CDH23: variants seen among roughly 807,000 people sequenced by gnomAD.
CDH23 encodes cadherin related 23, also known as cadherin-23.
CDH23 carries 189 observed loss-of-function variants against 317.1 expected under a neutral mutation model. That is an observed-to-expected ratio of 0.60 (90% CI 0.53 to 0.67). The LOEUF (loss-of-function observed/expected upper bound fraction) is 0.67, where lower values mean the gene tolerates loss of function less well. CDH23 is among the 30% of genes least tolerant of loss of function. The probability of loss-of-function intolerance (pLI) is 0.00; values close to 1 mark genes in which losing one functional copy is unlikely to be tolerated. For missense variants in CDH23, 4,401 were observed against 4,592.4 expected, an observed-to-expected ratio of 0.96 and a Z score of 1.20; for synonymous variants, 1,839 against 1,876.8, an observed-to-expected ratio of 0.98 and a Z score of 0.52.
intron 6 of CDH23, among the ~76,000 whole-genome samples, chr10:71,535,010 C>A: frequency 6.6e-6 from 1 of 152,222 alleles, no homozygotes; most frequent in Admixed American, 6.5e-5. Context: ...GGAGAGGGCC[C>A]CTGGGGGCTG....
intron 3 of CDH23, among the ~76,000 whole-genome samples, chr10:71,447,454 G>T (rs1219845962): frequency 2.0e-5 from 3 of 152,140 alleles, no homozygotes; most frequent in East Asian, 1.9e-4. Flanking sequence ...ACTCTTCCTG[G>T]TGGAGGTTTT....
chr10:71,586,163 C>T (rs1023943116), intron 9 of CDH23, among the ~76,000 whole-genome samples: 13 of 152,200 alleles, frequency 8.5e-5, no homozygotes, highest in Admixed American at 2.0e-4. Context: ...GAGCCAGAGC[C>T]ATGGCTGAGG....
At chr10:71,524,418 C>T (rs140355818) in intron 6 of CDH23, among the ~76,000 whole-genome samples, 170 of 152,326 alleles carry the variant, frequency 1.1e-3, no homozygotes, top group African/African-American at 3.7e-3. Context: ...AAGTGCGGTT[C>T]GAGCTCCCTG....
At chr10:71,801,315 CG>C in intron 53 of CDH23, among the ~76,000 whole-genome samples, 1 of 152,022 alleles carries the variant, frequency 6.6e-6, no homozygotes. Flanking sequence ...CTACCACACC[CG>C]GCTAATTTTG....
intron 6 of CDH23, among the ~76,000 whole-genome samples, chr10:71,543,093 G>A (rs1386964138): frequency 6.6e-6 from 1 of 152,250 alleles, no homozygotes; most frequent in African/African-American, 2.4e-5. Flanking sequence ...CAGCCCGAAT[G>A]CACAGACTTA....
chr10:71,491,503 G>A (rs1416580754), intron 3 of CDH23, among the ~76,000 whole-genome samples: 1 of 152,218 alleles, frequency 6.6e-6, no homozygotes, highest in Non-Finnish European at 1.5e-5. Flanking sequence ...TTGAACCAAG[G>A]TAGTGGGTGT....
intron 3 of CDH23, among the ~76,000 whole-genome samples, chr10:71,457,524 G>A (rs72642234): frequency 0.012 from 1,788 of 152,238 alleles, 82 homozygotes; most frequent in East Asian, 0.12. Context: ...TCCTCAGTCT[G>A]TTACCTAGGA....
Position 71,730,415 on chromosome 10 carries a change from G to T in CDH23, c.3580-54G>T, listed in dbSNP as rs376983154. On this transcript the variant is annotated intron_variant, in intron 30 of 69. Coordinates refer to ENST00000224721, the MANE Select transcript of CDH23 (RefSeq NM_022124.6). ...GCGGCCACAGTGGGCCAAGCCCTGGGCTTCCCAGCCTCCACCCCACCCTGA... is the reference window on the plus strand; with the variant it reads ...GCGGCCACAGTGGGCCAAGCCCTGGTCTTCCCAGCCTCCACCCCACCCTGA... The T allele has an allele frequency of 7.0e-5, 112 of 1,595,410 alleles. No homozygotes were observed. The East Asian group carries it at 9.9e-4, about 14-fold the overall frequency.
chr10:71,510,845 G>A (rs943305762), intron 4 of CDH23, 109 bp from the exon 5 acceptor site: 1 of 1,070,214 alleles, frequency 9.3e-7, no homozygotes, highest in Non-Finnish European at 1.4e-6. Flanking sequence ...CCTGGTTCCA[G>A]GCAAGCTCCT....
At chr10:71,753,046 T>G in intron 38 of CDH23, 1 of 1,602,648 alleles carries the variant, frequency 6.2e-7, no homozygotes, top group Non-Finnish European at 8.5e-7. Flanking sequence ...AAGGGAAGGC[T>G]TCCCCATACA....
intron 14 of CDH23, among the ~76,000 whole-genome samples, chr10:71,655,525 C>G (rs1412034865): frequency 6.6e-6 from 1 of 152,200 alleles, no homozygotes; most frequent in African/African-American, 2.4e-5. Flanking sequence ...TCGAGTTCCT[C>G]TGCCTCTTCT....
intron 9 of CDH23, among the ~76,000 whole-genome samples, chr10:71,602,156 G>C (rs1013972771): frequency 6.6e-6 from 1 of 152,068 alleles, no homozygotes; most frequent in Non-Finnish European, 1.5e-5. Context: ...CCGGCTCAAG[G>C]TGTGTGTGAT....
chr10:71,552,123 G>A (rs1357902452), intron 6 of CDH23, among the ~76,000 whole-genome samples: 5 of 152,194 alleles, frequency 3.3e-5, no homozygotes, highest in Non-Finnish European at 5.9e-5. Flanking sequence ...AATCATTACT[G>A]CTAGGCCCAC....
intron 6 of CDH23, among the ~76,000 whole-genome samples, chr10:71,555,855 C>T (rs1856847657): frequency 1.3e-5 from 2 of 152,152 alleles, no homozygotes; most frequent in African/African-American, 2.4e-5. Context: ...CTCCACCTAG[C>T]TCTGCATGTC....
In CDH23 at chr10:71,781,386, GCCTTTCTCTTCTGCTGTTTTCACAAA is replaced by G. The variant is rs1840950011; in HGVS notation, c.5368+1941_5368+1966del. Among the ~76,000 whole-genome samples, 3 of 152,162 alleles carry G rather than the reference GCCTTTCTCTTCTGCTGTTTTCACAAA, an allele frequency of 2.0e-5. No individual in the cohort carries two copies. In the South Asian group the frequency reaches 6.2e-4, roughly 32 times the overall value. ...CTCTTTGGAAACCAGCAGAGCAAGG[GCCTTTCTCTTCTGCTGTTTTCACAAA>G]CACAGAGATTTTGTAATTTTATGGG... On this transcript the variant is annotated intron_variant, in intron 41 of 69. Transcript: ENST00000224721.
At chr10:71,552,257 T>C (rs1336458914) in intron 6 of CDH23, among the ~76,000 whole-genome samples, 1 of 152,268 alleles carries the variant, frequency 6.6e-6, no homozygotes, top group East Asian at 1.9e-4. Context: ...GGTTGTCACA[T>C]TGATGTCTCT....
At chr10:71,690,643 C>T (rs754936552) in intron 20 of CDH23, 59 bp downstream of exon 20, 147 of 1,280,156 alleles carry the variant, frequency 1.1e-4, no homozygotes, top group Non-Finnish European at 1.6e-4. Flanking sequence ...ACTGTCCATA[C>T]CCGGCCCCAG....
intron 11 of CDH23, among the ~76,000 whole-genome samples, chr10:71,635,955 T>C (rs144701405): frequency 1.3e-3 from 198 of 152,146 alleles, no homozygotes; most frequent in African/African-American, 4.5e-3. Flanking sequence ...GGGGTCCCTT[T>C]TATAAGGGCA....
At chr10:71,675,203 G>T (rs1864309827) in intron 15 of CDH23, 27 bp downstream of exon 15, 2 of 1,603,356 alleles carry the variant, frequency 1.2e-6, no homozygotes, top group African/African-American at 2.7e-5. Flanking sequence ...AGCCCCTCAG[G>T]CCCCTCCGCA....
Sources: gnomAD v4.1 joint callset for allele counts (sites outside exome capture counted in the v4.1 genomes callset) on GRCh38, gnomAD v4.1.1 for gene constraint, MANE v1.5 for transcripts, NCBI Gene and HGNC (gene_info 2026-07-23, HGNC 2026-07-21) for gene names.